The following DMD variants were observed in gnomAD, a reference collection of about 807,000 sequenced individuals.
DMD encodes dystrophin, also known as mutant dystrophin.
A neutral mutation model predicts 330.1 loss-of-function variants in DMD; 63 were observed. The ratio of observed to expected loss-of-function variants is 0.19; its 90% CI spans 0.16 to 0.24. DMD has a LOEUF of 0.24. Ranked by LOEUF, DMD falls within the 10% of genes least tolerant of loss-of-function variation. The pLI is 1.00. For synonymous variants in DMD, 1,223 were observed against 959.8 expected, an observed-to-expected ratio of 1.27 and a Z score of -5.07; for missense variants, 3,344 against 2,684.1, an observed-to-expected ratio of 1.25 and a Z score of -5.43.
intron 5 of DMD, 101 bp downstream of exon 5, chrX:32,823,194 T>C (rs989992396): frequency 7.2e-5 from 48 of 668,285 alleles, no homozygotes; most frequent in Non-Finnish European, 1.1e-4. Flanking sequence ...GAGCAGGGTT[T>C]GTTATTGTTA....
chrX:32,264,660 C>G (rs995224928), intron 43 of DMD, among the ~76,000 whole-genome samples: 1 of 111,879 alleles, frequency 8.9e-6, no homozygotes, highest in Admixed American at 9.5e-5. Context: ...AAAGTCCAGA[C>G]TGAGGTGGTC....
At chrX:32,856,040 G>A (rs1477178593) in intron 2 of DMD, among the ~76,000 whole-genome samples, 1 of 112,177 alleles carries the variant, frequency 8.9e-6, no homozygotes. Flanking sequence ...TGACACAAAT[G>A]TCAAAGAGGA....
intron 9 of DMD, among the ~76,000 whole-genome samples, chrX:32,673,610 G>T (rs1344571747): frequency 9.0e-6 from 1 of 111,618 alleles, no homozygotes; most frequent in East Asian, 2.8e-4. Flanking sequence ...CAGAATGTAA[G>T]ACTTAAGTAC....
chrX:32,181,507 C>G (rs1182105781), intron 44 of DMD, among the ~76,000 whole-genome samples: 1 of 111,517 alleles, frequency 9.0e-6, no homozygotes, highest in Non-Finnish European at 1.9e-5. Flanking sequence ...TTTTCAGTTG[C>G]TTAAGTGGAA....
At chrX:31,607,279 C>A (rs930625023) in intron 55 of DMD, among the ~76,000 whole-genome samples, 1 of 111,921 alleles carries the variant, frequency 8.9e-6, no homozygotes, top group African/African-American at 3.2e-5. Flanking sequence ...ATTCTTTAGA[C>A]CTCAGTAGAG....
intron 16 of DMD, among the ~76,000 whole-genome samples, chrX:32,551,999 A>C (rs1056457569): frequency 8.9e-6 from 1 of 112,279 alleles, no homozygotes; most frequent in African/African-American, 3.2e-5. Context: ...AAATGGAAAA[A>C]TATTCTATGC....
At chrX:31,229,919 C>T (rs1478580073) in intron 63 of DMD, among the ~76,000 whole-genome samples, 4 of 112,253 alleles carry the variant, frequency 3.6e-5, no homozygotes, top group Non-Finnish European at 7.5e-5. Context: ...AACCTTGGAT[C>T]TTAATGAGAC....
chrX:31,363,394 TTTTTTG>T (rs1167648486), intron 60 of DMD, among the ~76,000 whole-genome samples: 1 of 93,046 alleles, frequency 1.1e-5, no homozygotes, highest in African/African-American at 4.0e-5. Context: ...TTTTTTTTTT[TTTTTTG>T]AGACAGAGTC....
intron 7 of DMD, among the ~76,000 whole-genome samples, chrX:32,727,337 G>A (rs1213938137): frequency 9.0e-6 from 1 of 111,012 alleles, no homozygotes; most frequent in Admixed American, 9.6e-5. Context: ...ACTATATAGA[G>A]ATGAATTCAT....
At chrX:33,047,346 G>A (rs762142063) in intron 1 of DMD, among the ~76,000 whole-genome samples, 2 of 109,982 alleles carry the variant, frequency 1.8e-5, no homozygotes, top group South Asian at 7.5e-4. Context: ...ATATTCGATT[G>A]TATTTTCATT....
chrX:31,352,045 G>GA (rs201612961), intron 60 of DMD, among the ~76,000 whole-genome samples: 11 of 110,548 alleles, frequency 1.0e-4, no homozygotes, highest in Admixed American at 5.8e-4. Flanking sequence ...GATTAAAGTT[G>GA]AAAAAAAGTA....
chrX:33,160,195 G>A (rs932962864), intron 1 of DMD, among the ~76,000 whole-genome samples: 2 of 112,193 alleles, frequency 1.8e-5, no homozygotes, highest in African/African-American at 6.5e-5. Context: ...AAGCTATGAT[G>A]TTTGGTAGAT....
rs372358645 is a variant in DMD, at chrX:32,005,978, G to A, written c.6439-37464C>T. ...GGTGTACCAGTCTCAGAAACATTCC[G>A]AAGACTGATTTCCTAAGTCTTCCAA... On this transcript the variant is annotated intron_variant, in intron 44 of 78. Transcript: ENST00000357033. 1.4e-4 allele frequency among the ~76,000 whole-genome samples: 16 copies of A among 111,382 alleles called. No homozygotes were observed. The East Asian group carries it at 4.0e-3, about 28-fold the overall frequency.
intron 55 of DMD, among the ~76,000 whole-genome samples, chrX:31,519,696 ACT>A (rs2072570210): frequency 8.9e-6 from 1 of 112,197 alleles, no homozygotes; most frequent in Admixed American, 9.5e-5. Context: ...ATCAGACACA[ACT>A]GTATTCATTT....
chrX:32,623,120 G>A (rs778809631), intron 11 of DMD, among the ~76,000 whole-genome samples: 2 of 111,662 alleles, frequency 1.8e-5, no homozygotes, highest in Non-Finnish European at 3.8e-5. Context: ...CTTTATTACA[G>A]TACTGATATG....
intron 43 of DMD, among the ~76,000 whole-genome samples, chrX:32,258,031 G>C (rs1352264882): frequency 9.2e-6 from 1 of 108,958 alleles, no homozygotes; most frequent in Non-Finnish European, 1.9e-5. Flanking sequence ...CTCAAAACAA[G>C]ACATTTATGC....
intron 44 of DMD, among the ~76,000 whole-genome samples, chrX:32,203,012 T>C (rs1450698164): frequency 8.9e-6 from 1 of 111,808 alleles, no homozygotes; most frequent in Non-Finnish European, 1.9e-5. Context: ...AAACACAGAC[T>C]TGTCTGTGTA....
At chrX:32,707,522 CA>C (rs1473306561) in intron 7 of DMD, among the ~76,000 whole-genome samples, 3 of 111,764 alleles carry the variant, frequency 2.7e-5, no homozygotes, top group Non-Finnish European at 5.6e-5. Flanking sequence ...AGACGTGTTT[CA>C]GTTGAAAAGT....
intron 7 of DMD, among the ~76,000 whole-genome samples, chrX:32,785,787 A>AT (rs2075300904): frequency 1.8e-5 from 2 of 111,106 alleles, no homozygotes; most frequent in Non-Finnish European, 3.8e-5. Flanking sequence ...AAAATACATT[A>AT]TTTATTTTTA....
Sources: allele counts gnomAD v4.1 joint callset (sites outside exome capture counted in the v4.1 genomes callset), GRCh38; gene constraint gnomAD v4.1.1; transcripts MANE v1.5; gene names NCBI Gene and HGNC (gene_info 2026-07-23, HGNC 2026-07-21).